Variants in VPS53 observed in about 807,000 individuals in gnomAD.
VPS53 encodes the protein VPS53 subunit of GARP complex, also known as vacuolar protein sorting-associated protein 53 homolog.
In VPS53, 70 loss-of-function variants were observed where a neutral mutation model predicts 107.0. The ratio of observed to expected loss-of-function variants is 0.65; its 90% confidence interval spans 0.54 to 0.80. The LOEUF is 0.80. Ranked by LOEUF, VPS53 falls within the 30% of genes least tolerant of loss-of-function variation. The pLI is 0.00. For synonymous variants in VPS53, 409 were observed against 393.3 expected (o/e 1.04, Z -0.47); for missense variants, 917 against 1,049.4 (o/e 0.87, Z 1.74).
At chr17:669,213 A>T (rs1971829308) in intron 4 of VPS53, among the ~76,000 whole-genome samples, 1 of 152,180 alleles carries the variant, frequency 6.6e-6, no homozygotes, top group Admixed American at 6.5e-5. Context: ...TTTTTAAGAA[A>T]CACAAAAATA....
At chr17:540,891 G>A (rs982094881) in intron 17 of VPS53, among the ~76,000 whole-genome samples, 2 of 152,142 alleles carry the variant, frequency 1.3e-5, no homozygotes, top group Admixed American at 6.5e-5. Flanking sequence ...GTGGGGCTGG[G>A]GGGTCAGCAC....
rs1908170196 is a variant in VPS53 at position 514,559 on chromosome 17, G to C, written c.*4569C>G. The C allele has an allele frequency of 6.6e-6, 1 of 152,252 alleles. No homozygotes were observed. The highest frequency in any genetic ancestry group is 2.1e-4 in the South Asian group (1 of 4,832). 9.4% of individuals were successfully genotyped at this position (152,252 alleles called of 1,614,324 possible). On this transcript the variant is annotated 3_prime_UTR_variant, in exon 22 of 22. Coordinates refer to ENST00000437048, the MANE Select transcript of VPS53 (RefSeq NM_001128159.3). ...TCCTAGGGAAGGAACCCCATTTCCAGCAGGTTATTCCGAGTGCTCTTCCTA... is the reference window on the plus strand; with the variant it reads ...TCCTAGGGAAGGAACCCCATTTCCACCAGGTTATTCCGAGTGCTCTTCCTA...
intron 4 of VPS53, among the ~76,000 whole-genome samples, chr17:681,478 T>G (rs968424975): frequency 4.6e-5 from 7 of 152,210 alleles, no homozygotes; most frequent in African/African-American, 1.7e-4. Context: ...CTGGGGTGTC[T>G]CTGCAAAAAT....
At chr17:536,841 A>T in intron 18 of VPS53, 187 bp downstream of exon 18, 2 of 665,056 alleles carry the variant, frequency 3.0e-6, no homozygotes, top group Non-Finnish European at 5.0e-6. Context: ...CATCCACTGT[A>T]ACGAATGTGC....
At chr17:658,217 ATTG>A (rs1971283241) in intron 5 of VPS53, among the ~76,000 whole-genome samples, 1 of 82,378 alleles carries the variant, frequency 1.2e-5, no homozygotes, top group African/African-American at 3.3e-5. Flanking sequence ...GATACATCCC[ATTG>A]AAGTGAGACA....
intron 7 of VPS53, among the ~76,000 whole-genome samples, chr17:643,559 TCATACTTGGAAACC>T: frequency 1.4e-5 from 2 of 143,150 alleles, no homozygotes; most frequent in Non-Finnish European, 3.0e-5. Context: ...AGGACAACAC[TCATACTTGGAAACC>T]GAGGACAACA....
chr17:692,860 G>A (rs1277630573), intron 4 of VPS53, among the ~76,000 whole-genome samples: 1 of 152,152 alleles, frequency 6.6e-6, no homozygotes, highest in Non-Finnish European at 1.5e-5. Flanking sequence ...AATGAGCTGG[G>A]CATGGTGGTG....
chr17:635,425 C>T (rs1465748345), intron 7 of VPS53, among the ~76,000 whole-genome samples: 2 of 152,284 alleles, frequency 1.3e-5, no homozygotes, highest in African/African-American at 4.8e-5. Context: ...TCAATTTTGG[C>T]TTTTGTTGCC....
Position 575,471 on chromosome 17 carries a change from G to A in VPS53, c.1313+10799C>T, listed in dbSNP as rs543423177. Among the ~76,000 whole-genome samples the A allele has an allele frequency of 8.2e-4, 124 of 152,000 alleles. 1 individual carries two copies. Among genetic ancestry groups the A allele is most frequent in the African/African-American group, 2.9e-3 (121 of 41,432 alleles). Reference sequence around the variant, plus strand: ...CAGAGAACTTCCCTCAGAACCTAACGCGTTCCCAGAGAACTTCCCTCAGAA... The same window carrying A: ...CAGAGAACTTCCCTCAGAACCTAACACGTTCCCAGAGAACTTCCCTCAGAA... On this transcript the variant is annotated intron_variant, in intron 13 of 21. Transcript: ENST00000437048.
intron 11 of VPS53, among the ~76,000 whole-genome samples, chr17:614,065 A>T (rs962787758): frequency 5.3e-5 from 8 of 152,252 alleles, no homozygotes; most frequent in African/African-American, 1.9e-4. Context: ...TGTCCACAAC[A>T]GGCATCCGTA....
At chr17:703,079 C>T (rs1313836489) in intron 2 of VPS53, among the ~76,000 whole-genome samples, 1 of 152,056 alleles carries the variant, frequency 6.6e-6, no homozygotes, top group East Asian at 1.9e-4. Flanking sequence ...CTTGCTGGTG[C>T]ACACCTGTGG....
intron 4 of VPS53, among the ~76,000 whole-genome samples, chr17:689,951 G>A (rs1972721890): frequency 5.9e-5 from 9 of 152,126 alleles, no homozygotes. Flanking sequence ...TGAAAATCAA[G>A]ACATGGGAAG....
intron 15 of VPS53, among the ~76,000 whole-genome samples, chr17:558,249 C>T (rs886699505): frequency 2.6e-5 from 4 of 152,248 alleles, no homozygotes; most frequent in African/African-American, 7.2e-5. Context: ...GAGTGGATCA[C>T]GAGGTCAGGA....
chr17:654,224 A>T (rs1033307114), intron 6 of VPS53, among the ~76,000 whole-genome samples: 9 of 152,116 alleles, frequency 5.9e-5, no homozygotes, highest in Non-Finnish European at 1.2e-4. Flanking sequence ...CACAAAGAGC[A>T]GCACTTTACC....
At chr17:692,371 T>C (rs1012689386) in intron 4 of VPS53, among the ~76,000 whole-genome samples, 4 of 152,156 alleles carry the variant, frequency 2.6e-5, no homozygotes, top group African/African-American at 9.7e-5. Context: ...CAGATAAAAA[T>C]GGGGAGGATT....
At chr17:677,350 G>C (rs1972209533) in intron 4 of VPS53, among the ~76,000 whole-genome samples, 1 of 152,152 alleles carries the variant, frequency 6.6e-6, no homozygotes, top group South Asian at 2.1e-4. Flanking sequence ...CAGATACAAA[G>C]GGTCAAATAT....
intron 4 of VPS53, among the ~76,000 whole-genome samples, chr17:693,324 C>T (rs2143877362): frequency 6.6e-6 from 1 of 152,232 alleles, no homozygotes; most frequent in East Asian, 1.9e-4. Flanking sequence ...TAAAATTTAT[C>T]ACAGGTATGT....
At chr17:591,844 T>C (rs1967676410) in intron 12 of VPS53, among the ~76,000 whole-genome samples, 1 of 152,160 alleles carries the variant, frequency 6.6e-6, no homozygotes, top group Non-Finnish European at 1.5e-5. Context: ...AAAAAATGTA[T>C]ATTCTGTTGA....
At chr17:571,183 G>A (rs1384639682) in intron 13 of VPS53, among the ~76,000 whole-genome samples, 1 of 145,648 alleles carries the variant, frequency 6.9e-6, no homozygotes, top group Non-Finnish European at 1.5e-5. Context: ...GTGATGGCCT[G>A]TGCCTGTAGT....
Sources: gnomAD v4.1 joint callset for allele counts (sites outside exome capture counted in the v4.1 genomes callset) on GRCh38, gnomAD v4.1.1 for gene constraint, MANE v1.5 for transcripts, NCBI Gene and HGNC (gene_info 2026-07-23, HGNC 2026-07-21) for gene names.